Variants in NLRP11 observed in about 807,000 individuals in gnomAD.
NLRP11 encodes NACHT, LRR and PYD domains-containing protein 11.
Under a neutral mutation model 79.3 loss-of-function variants are expected in NLRP11, and 53 were observed. The ratio of observed to expected loss-of-function variants is 0.67; its 90% CI spans 0.54 to 0.84. NLRP11 has a LOEUF of 0.84. NLRP11 is among the 40% of genes least tolerant of loss of function. NLRP11 has a pLI of 0.00. For synonymous variants in NLRP11, 518 were observed against 462.6 expected (o/e 1.12, Z -1.54); for missense variants, 1,264 against 1,255.0 (o/e 1.01, Z -0.11).
At chr19:55,815,048 G>A (rs1980958212) in intron 2 of NLRP11, among the ~76,000 whole-genome samples, 1 of 152,070 alleles carries the variant, frequency 6.6e-6, no homozygotes, top group African/African-American at 2.4e-5. Flanking sequence ...GGTATGGAAG[G>A]AAAAGGTCTA....
chr19:55,820,380 G>T (rs66491314), intron 1 of NLRP11, among the ~76,000 whole-genome samples: 12,203 of 152,144 alleles, frequency 0.08, 657 homozygotes, highest in African/African-American at 0.15. Context: ...AAACCCTGGG[G>T]CACATTGAGG....
intron 4 of NLRP11, among the ~76,000 whole-genome samples, chr19:55,806,710 A>T (rs1980030359): frequency 6.6e-6 from 1 of 152,110 alleles, no homozygotes; most frequent in Admixed American, 6.5e-5. Flanking sequence ...AAAATGCCTC[A>T]CCTCACTCCA....
At chr19:55,835,263 G>A (rs900774567), upstream of NLRP11, among the ~76,000 whole-genome samples, 3 of 152,236 alleles carry the variant, frequency 2.0e-5, no homozygotes, top group Non-Finnish European at 4.4e-5. Flanking sequence ...GAGGTTTGGC[G>A]TGAACCCAGA....
chr19:55,797,680 G>A (rs190463794), intron 5 of NLRP11, among the ~76,000 whole-genome samples: 187 of 152,316 alleles, frequency 1.2e-3, no homozygotes, highest in African/African-American at 4.1e-3. Flanking sequence ...CATCGTACTT[G>A]GCCTGTGTAT....
chr19:55,789,748 C>A (rs1237057195), intron 7 of NLRP11, among the ~76,000 whole-genome samples: 4 of 152,202 alleles, frequency 2.6e-5, no homozygotes, highest in Non-Finnish European at 5.9e-5. Flanking sequence ...GTTAGGCAAC[C>A]TCCTCTGACA....
chr19:55,829,494 T>G (rs947621530), intron 1 of NLRP11, among the ~76,000 whole-genome samples: 1 of 151,656 alleles, frequency 6.6e-6, no homozygotes, highest in Admixed American at 6.6e-5. Flanking sequence ...AGTGAAGCCT[T>G]GTCTCTACTA....
chr19:55,795,520 C>T (rs8109672), intron 6 of NLRP11, among the ~76,000 whole-genome samples: 15,570 of 151,934 alleles, frequency 0.1, 1,079 homozygotes, highest in Non-Finnish European at 0.16. Flanking sequence ...GACAGAGCCT[C>T]GCTCTGTCAC....
chr19:55,822,828 G>A (rs1981906584), intron 1 of NLRP11, among the ~76,000 whole-genome samples: 1 of 152,130 alleles, frequency 6.6e-6, no homozygotes, highest in Non-Finnish European at 1.5e-5. Flanking sequence ...CGGCAGCTAG[G>A]CTGGGGGAGG....
At chr19:55,800,731 C>A (rs1979399126) in intron 5 of NLRP11, among the ~76,000 whole-genome samples, 1 of 152,148 alleles carries the variant, frequency 6.6e-6, no homozygotes, top group Admixed American at 6.5e-5. Flanking sequence ...GGAGGTCAAA[C>A]ATTTCTGATG....
At chr19:55,787,903 T>G (rs938545590) in intron 9 of NLRP11, among the ~76,000 whole-genome samples, 7 of 152,216 alleles carry the variant, frequency 4.6e-5, no homozygotes, top group African/African-American at 1.7e-4. Flanking sequence ...CACATGATCT[T>G]AGAAGCAGGC....
chr19:55,785,535 ACACAT>A, exon 10 of NLRP11: 40 of 1,179,640 alleles, frequency 3.4e-5, no homozygotes, highest in South Asian at 5.8e-5. Flanking sequence ...ACACACACAC[ACACAT>A]CAAATAGGAA....
intron 4 of NLRP11, among the ~76,000 whole-genome samples, chr19:55,803,989 G>A (rs1428219605): frequency 6.6e-6 from 1 of 152,198 alleles, no homozygotes; most frequent in East Asian, 1.9e-4. Flanking sequence ...GGCTGAGGCA[G>A]AACAATCACT....
chr19:55,794,078 G>A (rs1000077390), intron 6 of NLRP11, among the ~76,000 whole-genome samples: 1 of 152,084 alleles, frequency 6.6e-6, no homozygotes, highest in Admixed American at 6.5e-5. Context: ...TTTTTGCTTA[G>A]TATATCTGGA....
At chr19:55,834,724 A>G (rs920684672), upstream of NLRP11, among the ~76,000 whole-genome samples, 8 of 152,228 alleles carry the variant, frequency 5.3e-5, no homozygotes, top group Non-Finnish European at 1.2e-4. Context: ...TCACTGACAG[A>G]ATGGATCATT....
At chr19:55,790,049 T>C (rs1990143345) in intron 7 of NLRP11, among the ~76,000 whole-genome samples, 1 of 152,238 alleles carries the variant, frequency 6.6e-6, no homozygotes, top group Non-Finnish European at 1.5e-5. Flanking sequence ...CTATTCATTC[T>C]GCTTGCAAGC....
At position 55,820,592 on chromosome 19, in the gene NLRP11, C is replaced by T. The variant is rs921713970; in HGVS notation, c.-62-2356G>A. ...GGAGAGTAATCATCCCACAGCTTTT[C>T]GTCTCATGTATATTTTTGTATTCTG... is the stretch of plus-strand genomic sequence containing the variant. On this transcript the variant is annotated intron_variant, in intron 1 of 9. Transcript: ENST00000589093. 2.6e-5 allele frequency among the ~76,000 whole-genome samples: 4 copies of T among 152,136 alleles called. 1 individual carries two copies. The highest frequency in any genetic ancestry group is 5.9e-5 in the Non-Finnish European group (4 of 68,024).
At chr19:55,823,327 A>T (rs979918861) in intron 1 of NLRP11, among the ~76,000 whole-genome samples, 1 of 135,460 alleles carries the variant, frequency 7.4e-6, no homozygotes, top group African/African-American at 3.1e-5. Flanking sequence ...ACAGAACAGA[A>T]AAACTGGAAA....
intron 4 of NLRP11, among the ~76,000 whole-genome samples, chr19:55,803,065 G>T (rs1425509356): frequency 6.6e-6 from 1 of 152,046 alleles, no homozygotes; most frequent in African/African-American, 2.4e-5. Context: ...AAAACTTGGA[G>T]GCGCTGGGCA....
intron 2 of NLRP11, among the ~76,000 whole-genome samples, chr19:55,813,328 G>C (rs1455293529): frequency 1.3e-5 from 2 of 152,158 alleles, no homozygotes; most frequent in East Asian, 3.9e-4. Context: ...TTAAAGCAGA[G>C]GAAAGTTACA....
Sources: gnomAD v4.1 joint callset for allele counts (sites outside exome capture counted in the v4.1 genomes callset) on GRCh38, gnomAD v4.1.1 for gene constraint, MANE v1.5 for transcripts, NCBI Gene and HGNC (gene_info 2026-07-23, HGNC 2026-07-21) for gene names.